The following FNIP1 variants were observed in gnomAD, a reference collection of about 807,000 sequenced individuals.
FNIP1 encodes folliculin interacting protein 1.
Under a neutral mutation model 124.5 loss-of-function variants are expected in FNIP1, and 40 were observed. The ratio of observed to expected loss-of-function variants is 0.32; its 90% CI spans 0.25 to 0.42. The LOEUF is 0.42. FNIP1 is among the 10% of genes least tolerant of loss of function. The pLI is 1.00. For synonymous variants in FNIP1, 472 were observed against 470.6 expected, an observed-to-expected ratio of 1.00 and a Z score of -0.04; for missense variants, 1,176 against 1,403.7, an observed-to-expected ratio of 0.84 and a Z score of 2.59.
intron 15 of FNIP1, among the ~76,000 whole-genome samples, chr5:131,659,967 C>G (rs1187083222): frequency 6.6e-6 from 1 of 152,228 alleles, no homozygotes; most frequent in African/African-American, 2.4e-5. Flanking sequence ...CATAGAAGTC[C>G]TTCCGACCCA....
rs1771724184 is a variant in FNIP1, at chr5:131,773,996, C to T, written c.92+22834G>A. ...ATGTGCCCAACATGTGCTTACCAAA[C>T]AAATGAAACAATTATGTTTGAAGTC... On this transcript the variant is annotated intron_variant, in intron 1 of 17. Coordinates refer to ENST00000510461, the MANE Select transcript of FNIP1 (RefSeq NM_133372.3). Among the ~76,000 whole-genome samples, 9 of 152,274 alleles carry T rather than the reference C, an allele frequency of 5.9e-5. 1 individual carries two copies. In the South Asian group the frequency reaches 1.9e-3, roughly 32 times the overall value.
chr5:131,796,794 C>G (rs1580848472), intron 1 of FNIP1, 36 bp downstream of exon 1: 1 of 1,542,876 alleles, frequency 6.5e-7, no homozygotes, highest in East Asian at 2.4e-5. Context: ...CCCACAAGGC[C>G]ATCGGCTCCG....
At chr5:131,752,190 C>T (rs1770896286) in intron 1 of FNIP1, among the ~76,000 whole-genome samples, 1 of 151,934 alleles carries the variant, frequency 6.6e-6, no homozygotes, top group Admixed American at 6.6e-5. Flanking sequence ...ACTACAGGTG[C>T]CAGCCACCAC....
intron 5 of FNIP1, among the ~76,000 whole-genome samples, chr5:131,717,421 G>A (rs1171202353): frequency 6.6e-6 from 1 of 151,914 alleles, no homozygotes; most frequent in Non-Finnish European, 1.5e-5. Context: ...AAGTCTTTGC[G>A]CCAAAAAATA....
intron 1 of FNIP1, among the ~76,000 whole-genome samples, chr5:131,761,798 T>C (rs1205593208): frequency 6.6e-6 from 1 of 151,844 alleles, no homozygotes; most frequent in Admixed American, 6.5e-5. Flanking sequence ...AGATCCAGAA[T>C]AGCCAAAGCT....
intron 1 of FNIP1, among the ~76,000 whole-genome samples, chr5:131,747,999 G>A (rs544065562): frequency 1.3e-5 from 2 of 152,098 alleles, no homozygotes; most frequent in African/African-American, 2.4e-5. Context: ...GTACATGGGT[G>A]CAGAAAGATT....
intron 10 of FNIP1, among the ~76,000 whole-genome samples, chr5:131,699,900 T>G (rs1475579886): frequency 9.1e-6 from 1 of 109,800 alleles, no homozygotes; most frequent in Non-Finnish European, 1.7e-5. Context: ...GCCTGGGTGA[T>G]GGAGTAAGAC....
chr5:131,747,996 G>A (rs150935564), intron 1 of FNIP1, among the ~76,000 whole-genome samples: 85 of 152,080 alleles, frequency 5.6e-4, no homozygotes, highest in Admixed American at 1.4e-3. Flanking sequence ...GATGTACATG[G>A]GTGCAGAAAG....
At chr5:131,767,419 T>G (rs1210304440) in intron 1 of FNIP1, among the ~76,000 whole-genome samples, 1 of 105,284 alleles carries the variant, frequency 9.5e-6, no homozygotes, top group Non-Finnish European at 1.8e-5. Flanking sequence ...CAGAGTGAGA[T>G]TCTGTCTCAA....
chr5:131,674,872 A>C (rs1767868029), intron 13 of FNIP1, among the ~76,000 whole-genome samples: 1 of 152,168 alleles, frequency 6.6e-6, no homozygotes, highest in Non-Finnish European at 1.5e-5. Flanking sequence ...GTCTCAAATA[A>C]ATATAAGCTA....
chr5:131,685,533 C>T (rs1013241982), intron 11 of FNIP1, among the ~76,000 whole-genome samples: 2 of 148,840 alleles, frequency 1.3e-5, no homozygotes, highest in African/African-American at 4.9e-5. Context: ...ACTGCAACCT[C>T]CGCCTCCGAG....
chr5:131,724,527 T>C (rs1455604945), intron 3 of FNIP1, among the ~76,000 whole-genome samples: 1 of 152,180 alleles, frequency 6.6e-6, no homozygotes, highest in Non-Finnish European at 1.5e-5. Flanking sequence ...AGTGTCTGTT[T>C]GTATCCTTCA....
chr5:131,784,872 A>T, intron 1 of FNIP1, among the ~76,000 whole-genome samples: 1 of 149,714 alleles, frequency 6.7e-6, no homozygotes, highest in East Asian at 1.9e-4. Context: ...TCAAAAAAAA[A>T]AACAGCAAAA....
intron 1 of FNIP1, among the ~76,000 whole-genome samples, chr5:131,763,316 C>CACAA (rs1771298463): frequency 1.0e-5 from 1 of 98,714 alleles, no homozygotes; most frequent in African/African-American, 3.1e-5. Flanking sequence ...CACACACACA[C>CACAA]ACACACACAC....
chr5:131,679,064 C>T lies in FNIP1; in HGVS notation c.1314G>A (p.Glu438=), dbSNP rs1231938984. The T allele has an allele frequency of 2.5e-6, 4 of 1,611,578 alleles. No individual in the cohort carries two copies. In the East Asian group the frequency reaches 6.7e-5, roughly 27 times the overall value. ...KNHLCYRFMK[E]FTFLMENASK... ...AAGCATTTTCCATTAGAAAGGTGAA[C>T]TCCTTCATGAAACGATAGCAAAGGT... Residue 438 remains glutamate, a synonymous_variant, in exon 12 of 18, where the codon GAG becomes GAA. Coordinates refer to ENST00000510461, the MANE Select transcript of FNIP1 (RefSeq NM_133372.3).
intron 13 of FNIP1, 96 bp downstream of exon 13, chr5:131,677,606 TA>T: frequency 8.4e-7 from 1 of 1,194,048 alleles, no homozygotes; most frequent in Non-Finnish European, 1.2e-6. Context: ...ATGCAGGAGG[TA>T]AAAGCATTTT....
At chr5:131,761,999 A>T (rs1218983593) in intron 1 of FNIP1, among the ~76,000 whole-genome samples, 1 of 152,180 alleles carries the variant, frequency 6.6e-6, no homozygotes, top group African/African-American at 2.4e-5. Flanking sequence ...AAGAACATAC[A>T]TTTGAGAAAG....
Position 131,679,087 on chromosome 5 carries a change from G to C in FNIP1, c.1291C>G (p.Leu431Val). The change falls in exon 12 of 18, where the codon CTT (leucine) becomes GTT (valine). Residue 431 changes from leucine (L) to valine (V), a missense_variant. Physicochemically the swap from Leu to Val is conservative, Grantham distance 32 (BLOSUM62 1). This residue lies in a region of FNIP1 where 1,109 missense variants were observed against 1,288.5 expected (regional missense o/e 0.86). Transcript: ENST00000510461. Reference protein sequence around the residue: ...MMSGTPEKNHLCYRFMKEFTF... With the variant: ...MMSGTPEKNHVCYRFMKEFTF... ...AACTCCTTCATGAAACGATAGCAAA[G>C]GTGGTTCTTTTCTGGAGTCCCCGAC... 2.5e-6 allele frequency: 4 copies of C among 1,613,016 alleles called. No individual in the cohort carries two copies. Among genetic ancestry groups the C allele is most frequent in the Non-Finnish European group, 3.4e-6 (4 of 1,179,378 alleles).
intron 3 of FNIP1, 68 bp downstream of exon 3, chr5:131,730,836 A>T (rs182044757): frequency 7.7e-7 from 1 of 1,303,708 alleles, no homozygotes; most frequent in African/African-American, 1.5e-5. Flanking sequence ...ATATCTCCAC[A>T]GTCCACTGGA....
Sources: gnomAD v4.1 joint callset for allele counts (sites outside exome capture counted in the v4.1 genomes callset) on GRCh38, gnomAD v4.1.1 for gene constraint, gnomAD v4.1.1 regional missense constraint, MANE v1.5 for transcripts, NCBI Gene and HGNC (gene_info 2026-07-23, HGNC 2026-07-21) for gene names.